The following DOCK10 variants were observed in gnomAD, a reference collection of about 807,000 sequenced individuals.
DOCK10 encodes dedicator of cytokinesis 10, also known as dedicator of cytokinesis protein 10.
DOCK10 carries 145 observed loss-of-function variants against 280.1 expected under a neutral mutation model. The observed-to-expected ratio is 0.52, with a 90% CI of 0.45 to 0.59. The LOEUF is 0.59. Ranked by LOEUF, DOCK10 falls within the 20% of genes least tolerant of loss-of-function variation. The pLI is 0.00. For synonymous variants in DOCK10, 915 were observed against 942.2 expected (o/e 0.97, Z 0.53); for missense variants, 2,368 against 2,651.7 (o/e 0.89, Z 2.35).
intron 28 of DOCK10, among the ~76,000 whole-genome samples, chr2:224,822,002 A>G (rs1694538815): frequency 6.6e-6 from 1 of 152,046 alleles, no homozygotes; most frequent in South Asian, 2.1e-4. Flanking sequence ...TAACACATTA[A>G]AAAAAAGAAA....
At chr2:224,859,010 G>A (rs138793703) in intron 14 of DOCK10, among the ~76,000 whole-genome samples, 1 of 152,208 alleles carries the variant, frequency 6.6e-6, no homozygotes, top group African/African-American at 2.4e-5. Flanking sequence ...ACACATAAAA[G>A]TGGTTTTCAG....
intron 1 of DOCK10, among the ~76,000 whole-genome samples, chr2:225,023,635 A>G (rs1307606889): frequency 6.6e-6 from 1 of 152,190 alleles, no homozygotes; most frequent in African/African-American, 2.4e-5. Context: ...TCTCTGCACA[A>G]CAAGCTGGCA....
chr2:224,862,528 T>C (rs1264669087), intron 14 of DOCK10, 136 bp downstream of exon 14: 2 of 671,780 alleles, frequency 3.0e-6, no homozygotes, highest in South Asian at 3.5e-5. Context: ...AAGATGTTTA[T>C]GAAGATGACC....
rs188219893 is a variant in DOCK10 at position 224,963,169 on chromosome 2, C to T, written c.124-31501G>A. On this transcript the variant is annotated intron_variant, in intron 1 of 55. Transcript: ENST00000258390. ...ATTTGAGCCATTGTCTAGCCTGTTT[C>T]ATTTATTCCCTTCGTGGCCTGCTGG... Among the ~76,000 whole-genome samples the T allele has an allele frequency of 2.6e-3, 401 of 152,276 alleles. 1 individual carries two copies. Among genetic ancestry groups the T allele is most frequent in the African/African-American group, 8.8e-3 (364 of 41,570 alleles).
At chr2:225,032,071 TAATC>T (rs1184249170) in intron 1 of DOCK10, among the ~76,000 whole-genome samples, 2 of 152,182 alleles carry the variant, frequency 1.3e-5, no homozygotes, top group African/African-American at 2.4e-5. Flanking sequence ...TCAGATATCT[TAATC>T]AATAATCATC....
In DOCK10 at chr2:224,854,963, T is replaced by C. The variant is rs750548072; in HGVS notation, c.1888A>G (p.Asn630Asp). Reference protein sequence around the residue: ...AVDNVPLEHPNCVTSSFIPVK... With the variant: ...AVDNVPLEHPDCVTSSFIPVK... ...CCAAACCATGACATCATCATCATAC[T>C]TGGATGCTCCAAGGGAACGTTGTCA... Residue 630 changes from asparagine (N) to aspartate (D), a missense_variant and splice_region_variant, in exon 16 of 56, where the codon AAT becomes GAT. By Grantham distance (23) the Asn-to-Asp change is conservative. Around this residue, in one of 2 missense-constraint regions of DOCK10, gnomAD observed 1,209 missense variants for 1,250.9 expected, o/e 0.97. Coordinates refer to ENST00000258390, the MANE Select transcript of DOCK10 (RefSeq NM_014689.3). The C allele has an allele frequency of 1.2e-6, 2 of 1,606,136 alleles. No homozygotes were observed. Among genetic ancestry groups the C allele is most frequent in the Non-Finnish European group, 1.7e-6 (2 of 1,175,274 alleles).
chr2:224,837,719 C>T (rs1160084034), intron 25 of DOCK10, 43 bp downstream of exon 25: 2 of 1,535,134 alleles, frequency 1.3e-6, no homozygotes, highest in Non-Finnish European at 1.8e-6. Context: ...ACAAGTCACA[C>T]AGCACAAGGG....
chr2:224,934,165 T>C (rs1314024978), intron 1 of DOCK10, among the ~76,000 whole-genome samples: 2 of 152,196 alleles, frequency 1.3e-5, no homozygotes, highest in African/African-American at 4.8e-5. Flanking sequence ...TGGTTCGATA[T>C]ACCCAAATAA....
chr2:224,968,946 C>G (rs904075162), intron 1 of DOCK10, among the ~76,000 whole-genome samples: 1 of 152,204 alleles, frequency 6.6e-6, no homozygotes, highest in Non-Finnish European at 1.5e-5. Flanking sequence ...ACACTTCAAC[C>G]AAACAGAGGC....
intron 22 of DOCK10, among the ~76,000 whole-genome samples, chr2:224,844,332 G>A (rs1045287516): frequency 2.0e-5 from 3 of 152,124 alleles, no homozygotes; most frequent in Non-Finnish European, 2.9e-5. Context: ...GTTTCTCCAT[G>A]TTGGTCAGGC....
chr2:225,003,501 A>G (rs548061289), intron 1 of DOCK10, among the ~76,000 whole-genome samples: 1 of 152,168 alleles, frequency 6.6e-6, no homozygotes, highest in South Asian at 2.1e-4. Flanking sequence ...TCGAATCAGA[A>G]GAAAGACCCA....
At chr2:224,946,814 T>C (rs1369309417) in intron 1 of DOCK10, 9 of 1,470,574 alleles carry the variant, frequency 6.1e-6, no homozygotes, top group East Asian at 2.6e-5. Context: ...GAAGGAAAGA[T>C]GGAAAGCAAA....
chr2:224,961,433 T>TCTTC (rs1704410208), intron 1 of DOCK10, among the ~76,000 whole-genome samples: 1 of 127,904 alleles, frequency 7.8e-6, no homozygotes, highest in African/African-American at 2.8e-5. Context: ...TTTCTTTCTT[T>TCTTC]CTTTCTTTCT....
chr2:224,976,014 A>G (rs80104551), intron 1 of DOCK10, among the ~76,000 whole-genome samples: 3,049 of 152,272 alleles, frequency 0.02, 102 homozygotes, highest in African/African-American at 0.07. Context: ...AGGGGATACA[A>G]TGAATTCTGA....
intron 27 of DOCK10, among the ~76,000 whole-genome samples, chr2:224,826,534 A>G (rs1574890653): frequency 8.0e-6 from 1 of 125,698 alleles, no homozygotes; most frequent in Non-Finnish European, 1.7e-5. Context: ...ATTTAAAAAG[A>G]AAAAAAAAAG....
At chr2:224,990,091 C>T (rs1279801953) in intron 1 of DOCK10, among the ~76,000 whole-genome samples, 1 of 152,176 alleles carries the variant, frequency 6.6e-6, no homozygotes, top group Admixed American at 6.5e-5. Flanking sequence ...TTTCATTTTT[C>T]TACCTTTGGC....
At chr2:224,855,077 A>ACACG (rs1697027475) in intron 15 of DOCK10, 35 bp from the exon 16 acceptor site, 1 of 1,113,530 alleles carries the variant, frequency 9.0e-7, no homozygotes, top group East Asian at 2.5e-5. Context: ...ACACACACAC[A>ACACG]CACACACACA....
chr2:224,985,233 A>G (rs985579227), intron 1 of DOCK10, among the ~76,000 whole-genome samples: 5 of 152,108 alleles, frequency 3.3e-5, no homozygotes, highest in Non-Finnish European at 5.9e-5. Context: ...TATTTATTAA[A>G]CCTAAAATGC....
intron 7 of DOCK10, 55 bp from the exon 8 acceptor site, chr2:224,876,276 G>A: frequency 1.4e-6 from 2 of 1,429,538 alleles, no homozygotes; most frequent in Non-Finnish European, 1.9e-6. Context: ...AAGCCTTCGA[G>A]AGAGAGATCA....
Sources: allele counts gnomAD v4.1 joint callset (sites outside exome capture counted in the v4.1 genomes callset), GRCh38; gene constraint gnomAD v4.1.1; regional missense constraint gnomAD v4.1.1; transcripts MANE v1.5; gene names NCBI Gene and HGNC (gene_info 2026-07-23, HGNC 2026-07-21).